The following TIAM2 variants were observed in gnomAD, a reference collection of about 807,000 sequenced individuals.
The protein encoded by TIAM2 is TIAM Rac1 associated GEF 2, also known as rho guanine nucleotide exchange factor TIAM2.
TIAM2 carries 80 observed loss-of-function variants against 152.9 expected under a neutral mutation model. The ratio of observed to expected loss-of-function variants is 0.52; its 90% CI spans 0.44 to 0.63. TIAM2 has a LOEUF of 0.63. Among genes scored for constraint, TIAM2 ranks in the 30% least tolerant of loss-of-function variants. TIAM2 has a pLI of 0.00. For synonymous variants in TIAM2, 804 were observed against 838.0 expected, an observed-to-expected ratio of 0.96 and a Z score of 0.70; for missense variants, 1,965 against 2,120.1, an observed-to-expected ratio of 0.93 and a Z score of 1.44.
chr6:155,192,229 T>TA (rs1400075044), intron 14 of TIAM2, among the ~76,000 whole-genome samples: 7 of 152,182 alleles, frequency 4.6e-5, no homozygotes, highest in African/African-American at 1.7e-4. Flanking sequence ...CCTGTGGCCT[T>TA]AATCTTCTGA....
chr6:155,185,933 A>G (rs1781034243), intron 14 of TIAM2, among the ~76,000 whole-genome samples: 1 of 152,192 alleles, frequency 6.6e-6, no homozygotes, highest in Non-Finnish European at 1.5e-5. Flanking sequence ...CTCCTTCCCC[A>G]GACACCACAA....
chr6:155,251,219 C>A (rs1360072714), intron 22 of TIAM2, among the ~76,000 whole-genome samples, 198 bp downstream of exon 22: 1 of 152,238 alleles, frequency 6.6e-6, no homozygotes, highest in Non-Finnish European at 1.5e-5. Context: ...GTTCTCCCTT[C>A]TGCTGCTTGG....
At chr6:155,131,231 G>A (rs1375250424) in intron 4 of TIAM2, among the ~76,000 whole-genome samples, 2 of 152,056 alleles carry the variant, frequency 1.3e-5, no homozygotes, top group East Asian at 3.9e-4. Flanking sequence ...GTGGTGGCGG[G>A]TGCCTGTAAT....
At chr6:155,019,984 C>T (rs1004788980) in intron 1 of TIAM2, among the ~76,000 whole-genome samples, 1 of 151,868 alleles carries the variant, frequency 6.6e-6, no homozygotes, top group African/African-American at 2.4e-5. Flanking sequence ...ACCTGGAAGG[C>T]GGAGGTTGCA....
At chr6:155,088,052 CTT>C (rs113372173) in intron 1 of TIAM2, among the ~76,000 whole-genome samples, 152 of 119,008 alleles carry the variant, frequency 1.3e-3, no homozygotes, top group African/African-American at 4.5e-3. Context: ...TTCTTTCTTT[CTT>C]TTTTTTTTTT....
intron 1 of TIAM2, among the ~76,000 whole-genome samples, chr6:155,023,761 C>T (rs1313548249): frequency 2.0e-5 from 3 of 152,066 alleles, no homozygotes; most frequent in East Asian, 1.9e-4. Context: ...TTTTGTTCAT[C>T]GTATATAGAA....
chr6:155,220,239 G>C (rs1444620558), intron 15 of TIAM2, among the ~76,000 whole-genome samples: 2 of 152,238 alleles, frequency 1.3e-5, no homozygotes, highest in Non-Finnish European at 2.9e-5. Flanking sequence ...TGCCAGGCAG[G>C]CTTTTAAAAC....
At position 155,183,296 on chromosome 6, in the gene TIAM2, C is replaced by T. The variant is rs190556371; in HGVS notation, c.2860C>T (p.Leu954Phe). ...LNGEAVSDLDLKQMEALFSEK... is the reference protein window; with the variant it reads ...LNGEAVSDLDFKQMEALFSEK... ...TGGGGAAGCTGTGTCTGATCTTGAC[C>T]TTAAGCAGATGGAGGCCCTGTTTTC... is the stretch of plus-strand genomic sequence containing the variant. The change falls in exon 14 of 27, where the codon CTT (leucine) becomes TTT (phenylalanine). Residue 954 changes from leucine (L) to phenylalanine (F), a missense_variant. Coordinates refer to ENST00000682666, the MANE Select transcript of TIAM2 (RefSeq NM_012454.4). 5.7e-5 allele frequency: 92 copies of T among 1,614,170 alleles called. 3 individuals carry two copies. In the East Asian group the frequency reaches 9.8e-4, roughly 17 times the overall value.
At chr6:154,999,101 TG>T (rs1349759374) in intron 1 of TIAM2, among the ~76,000 whole-genome samples, 1 of 152,126 alleles carries the variant, frequency 6.6e-6, no homozygotes, top group East Asian at 1.9e-4. Context: ...TTGGCCCATG[TG>T]TTTGTATTTC....
intron 14 of TIAM2, among the ~76,000 whole-genome samples, chr6:155,200,595 C>T (rs1351282950): frequency 6.6e-6 from 1 of 152,086 alleles, no homozygotes; most frequent in African/African-American, 2.4e-5. Flanking sequence ...AAAAAGAAAC[C>T]TGACACCCAT....
chr6:155,187,833 C>T (rs1266565906), intron 14 of TIAM2, among the ~76,000 whole-genome samples: 1 of 152,084 alleles, frequency 6.6e-6, no homozygotes, highest in African/African-American at 2.4e-5. Context: ...CCGCCTCGAC[C>T]TCCCAAAGTG....
At chr6:155,168,349 AATTT>A (rs34392123) in intron 9 of TIAM2, among the ~76,000 whole-genome samples, 10 of 151,774 alleles carry the variant, frequency 6.6e-5, no homozygotes, top group East Asian at 1.9e-4. Flanking sequence ...ATCAAGAATG[AATTT>A]ATTTATTTAT....
chr6:155,224,239 G>A (rs1027397415), intron 15 of TIAM2, among the ~76,000 whole-genome samples: 1 of 152,124 alleles, frequency 6.6e-6, no homozygotes. Context: ...ATAAAGTTCC[G>A]GCTCCACAGT....
chr6:155,027,941 T>C (rs539058176), intron 1 of TIAM2, among the ~76,000 whole-genome samples: 5 of 118,910 alleles, frequency 4.2e-5, no homozygotes, highest in African/African-American at 1.9e-4. Context: ...ATATATAATA[T>C]ATGTACTGTG....
At chr6:155,211,861 AC>A (rs1355633644) in intron 15 of TIAM2, among the ~76,000 whole-genome samples, 1 of 152,058 alleles carries the variant, frequency 6.6e-6, no homozygotes, top group African/African-American at 2.4e-5. Context: ...TACCCCTTAA[AC>A]AATAACTCTC....
chr6:155,255,250 G>A (rs1783925743), intron 26 of TIAM2: 1 of 152,158 alleles, frequency 6.6e-6, no homozygotes, highest in Non-Finnish European at 1.5e-5. Context: ...TTAACAATGG[G>A]TTGATTGGGA....
chr6:155,219,058 C>A, intron 15 of TIAM2, among the ~76,000 whole-genome samples: 1 of 151,556 alleles, frequency 6.6e-6, no homozygotes, highest in African/African-American at 2.4e-5. Context: ...GCCGCCCACC[C>A]GTGTTCTTGA....
At chr6:155,050,817 A>G (rs1278091660) in intron 1 of TIAM2, among the ~76,000 whole-genome samples, 6 of 152,110 alleles carry the variant, frequency 3.9e-5, no homozygotes, top group African/African-American at 1.4e-4. Context: ...TAGTGTAGGC[A>G]TCTATTTTAT....
At chr6:155,209,221 G>C (rs1781663309) in intron 14 of TIAM2, among the ~76,000 whole-genome samples, 1 of 151,802 alleles carries the variant, frequency 6.6e-6, no homozygotes. Context: ...ATTAGAAGCA[G>C]CCCGCGAGAG....
Sources: allele counts gnomAD v4.1 joint callset (sites outside exome capture counted in the v4.1 genomes callset), GRCh38; gene constraint gnomAD v4.1.1; transcripts MANE v1.5; gene names NCBI Gene and HGNC (gene_info 2026-07-23, HGNC 2026-07-21).